The following FIGN variants were observed in gnomAD, a reference collection of about 807,000 sequenced individuals.
FIGN encodes fidgetin, microtubule severing factor.
A neutral mutation model predicts 51.3 loss-of-function variants in FIGN; 11 were observed. That is an observed-to-expected ratio of 0.21 (90% CI 0.13 to 0.35). FIGN has a LOEUF of 0.35. Among genes scored for constraint, FIGN ranks in the 10% least tolerant of loss-of-function variants. The pLI, the probability that FIGN is intolerant of heterozygous loss-of-function variation, is 1.00. For missense variants in FIGN, 857 were observed against 943.6 expected, an observed-to-expected ratio of 0.91 and a Z score of 1.20; for synonymous variants, 407 against 363.2, an observed-to-expected ratio of 1.12 and a Z score of -1.37.
intron 2 of FIGN, among the ~76,000 whole-genome samples, chr2:163,671,472 C>T (rs563887732): frequency 1.3e-5 from 2 of 152,274 alleles, no homozygotes; most frequent in South Asian, 2.1e-4. Context: ...GGACAAACTA[C>T]GCTATCCTTT....
At chr2:163,717,140 C>T (rs1394308507) in intron 2 of FIGN, among the ~76,000 whole-genome samples, 1 of 152,084 alleles carries the variant, frequency 6.6e-6, no homozygotes, top group Non-Finnish European at 1.5e-5. Context: ...ATTCTCCTAC[C>T]CTTATTTCTA....
intron 2 of FIGN, among the ~76,000 whole-genome samples, chr2:163,681,953 T>C (rs896815198): frequency 1.8e-4 from 28 of 152,094 alleles, no homozygotes; most frequent in Admixed American, 5.2e-4. Context: ...CAAGTGTGAG[T>C]TGGCTCACAC....
chr2:163,632,529 G>T (rs1683160969), intron 2 of FIGN, among the ~76,000 whole-genome samples: 1 of 152,222 alleles, frequency 6.6e-6, no homozygotes. Flanking sequence ...AAACCTGCGG[G>T]GAGAGACCTG....
In FIGN at chr2:163,709,834, T is replaced by A. The variant is rs1156625586; in HGVS notation, c.25+25069A>T. ...ATGGGCAGGTCAATCAATTTATTTTTACTCTCACTCTTGAAAGCTCTAGGA... is the reference window on the plus strand; with the variant it reads ...ATGGGCAGGTCAATCAATTTATTTTAACTCTCACTCTTGAAAGCTCTAGGA... On this transcript the variant is annotated intron_variant, in intron 2 of 2. Transcript: ENST00000333129. 2.0e-5 allele frequency among the ~76,000 whole-genome samples: 3 copies of A among 152,292 alleles called. No homozygotes were observed. The East Asian group carries it at 5.8e-4, about 29-fold the overall frequency.
In FIGN at chr2:163,610,245, C is replaced by A. The variant is rs746130720; in HGVS notation, c.1587G>T (p.Gly529=). Residue 529 remains glycine (G), a synonymous_variant, in exon 3 of 3, where the codon GGG becomes GGT. Coordinates refer to ENST00000333129, the MANE Select transcript of FIGN (RefSeq NM_018086.4). ...ATCTGCCCAATAATGTTTTGCCTGT[C>A]CCCCGAGGTCCAAATAAAAGGATGC... ...PRSILLFGPR[G]TGKTLLGRCI... 1.9e-6 allele frequency: 3 copies of A among 1,613,966 alleles called. No individual in the cohort carries two copies. The highest frequency in any genetic ancestry group is 2.5e-6 in the Non-Finnish European group (3 of 1,180,030).
chr2:163,723,833 T>G (rs1035804870), intron 2 of FIGN, among the ~76,000 whole-genome samples: 2 of 152,208 alleles, frequency 1.3e-5, no homozygotes, highest in Non-Finnish European at 2.9e-5. Context: ...TTGCTGACAC[T>G]TTTGCATGCA....
rs1023285655 is a variant in FIGN, at chr2:163,605,427, C to T, written c.*4125G>A. On this transcript the variant is annotated 3_prime_UTR_variant, in exon 3 of 3. Coordinates refer to ENST00000333129, the MANE Select transcript of FIGN (RefSeq NM_018086.4). ...ATATAAAAATCGGCAGATGATTCAA[C>T]AACTGAAGGCTTTACGTTTCAAAAG... is the stretch of plus-strand genomic sequence containing the variant. The T allele has an allele frequency of 6.6e-6, 1 of 151,876 alleles. No homozygotes were observed. Among genetic ancestry groups the T allele is most frequent in the Admixed American group, 6.6e-5 (1 of 15,222 alleles). The allele number at this position is 151,876 out of a possible 1,614,324, so 9.4% of individuals were successfully genotyped here.
At chr2:163,695,526 T>C (rs1361347856) in intron 2 of FIGN, among the ~76,000 whole-genome samples, 4 of 151,438 alleles carry the variant, frequency 2.6e-5, no homozygotes, top group Non-Finnish European at 4.4e-5. Context: ...CAAAATATCT[T>C]ACACACACAC....
chr2:163,713,531 A>G (rs150053766), intron 2 of FIGN, among the ~76,000 whole-genome samples: 4 of 152,276 alleles, frequency 2.6e-5, no homozygotes, highest in Non-Finnish European at 5.9e-5. Flanking sequence ...AAACCAAAAG[A>G]CATTTACTAC....
intron 2 of FIGN, among the ~76,000 whole-genome samples, chr2:163,679,255 A>G (rs1465260428): frequency 6.6e-6 from 1 of 152,046 alleles, no homozygotes; most frequent in Non-Finnish European, 1.5e-5. Context: ...GCACTTTGGG[A>G]GGCCGAGGCG....
intron 2 of FIGN, among the ~76,000 whole-genome samples, chr2:163,663,199 G>T (rs1274284044): frequency 6.6e-6 from 1 of 151,434 alleles, no homozygotes; most frequent in Non-Finnish European, 1.5e-5. Context: ...GGGATTACAG[G>T]CGTGATCGAC....
At chr2:163,626,931 A>C (rs539939804) in intron 2 of FIGN, among the ~76,000 whole-genome samples, 4 of 152,298 alleles carry the variant, frequency 2.6e-5, no homozygotes, top group African/African-American at 7.2e-5. Context: ...GTGCCATGGC[A>C]GTTTACAAAT....
Position 163,604,877 on chromosome 2 carries a change from G to A in FIGN, c.*4675C>T, listed in dbSNP as rs1393818370. On this transcript the variant is annotated 3_prime_UTR_variant, in exon 3 of 3. Transcript: ENST00000333129. ...ATGGAGAGAAGAATGGTTGGGGAAT[G>A]GGGGTAAAAGAGAGAGAGATATTAG... is the stretch of plus-strand genomic sequence containing the variant. 7.0e-6 allele frequency: 1 copy of A among 142,004 alleles called. No homozygotes were observed. Among genetic ancestry groups the A allele is most frequent in the African/African-American group, 2.5e-5 (1 of 39,404 alleles). 8.8% of individuals were successfully genotyped at this position (142,004 alleles called of 1,614,324 possible). A position where few individuals can be genotyped will look rare whatever the true frequency, so the allele number is the denominator to read the frequency against.
intron 2 of FIGN, among the ~76,000 whole-genome samples, chr2:163,706,339 C>A (rs1326485774): frequency 6.6e-6 from 1 of 152,040 alleles, no homozygotes; most frequent in Non-Finnish European, 1.5e-5. Flanking sequence ...TACCTTGAAC[C>A]TTTGCCCAAG....
intron 2 of FIGN, among the ~76,000 whole-genome samples, chr2:163,662,540 T>G (rs1158250485): frequency 6.6e-6 from 1 of 152,204 alleles, no homozygotes; most frequent in Non-Finnish European, 1.5e-5. Flanking sequence ...CTCCAGGCCA[T>G]GTCAGAGACC....
intron 2 of FIGN, among the ~76,000 whole-genome samples, chr2:163,648,258 G>T (rs895565332): frequency 1.3e-5 from 2 of 152,056 alleles, no homozygotes; most frequent in African/African-American, 2.4e-5. Context: ...TTTATTTTGG[G>T]TTGCTATTCT....
At chr2:163,716,425 T>C (rs1684669032) in intron 2 of FIGN, among the ~76,000 whole-genome samples, 1 of 152,232 alleles carries the variant, frequency 6.6e-6, no homozygotes, top group African/African-American at 2.4e-5. Context: ...ATTTAAAATG[T>C]TGATTATAAA....
intron 2 of FIGN, among the ~76,000 whole-genome samples, chr2:163,718,048 G>A (rs956107777): frequency 1.3e-5 from 2 of 151,588 alleles, no homozygotes; most frequent in African/African-American, 4.8e-5. Context: ...GATCATGTTG[G>A]AAAGTACAGG....
At chr2:163,699,577 G>C (rs1406394120) in intron 2 of FIGN, among the ~76,000 whole-genome samples, 1 of 152,048 alleles carries the variant, frequency 6.6e-6, no homozygotes, top group Non-Finnish European at 1.5e-5. Flanking sequence ...CCAAAAAAAT[G>C]ATAAAAAATA....
Sources: gnomAD v4.1 joint callset for allele counts (sites outside exome capture counted in the v4.1 genomes callset) on GRCh38, gnomAD v4.1.1 for gene constraint, MANE v1.5 for transcripts, NCBI Gene and HGNC (gene_info 2026-07-23, HGNC 2026-07-21) for gene names.